The following DAB1 variants were observed in gnomAD, a reference collection of about 807,000 sequenced individuals.
The protein encoded by DAB1 is disabled homolog 1.
DAB1 carries 15 observed loss-of-function variants against 64.6 expected under a neutral mutation model. That is an observed-to-expected ratio of 0.23 (90% CI 0.16 to 0.36). DAB1 has a LOEUF of 0.36. Among genes scored for constraint, DAB1 ranks in the 10% least tolerant of loss-of-function variants. The pLI, the probability that DAB1 is intolerant of heterozygous loss-of-function variation, is 1.00. For missense variants in DAB1, 596 were observed against 706.7 expected (o/e 0.84, Z 1.78); for synonymous variants, 235 against 251.9 (o/e 0.93, Z 0.64).
chr1:57,545,476 T>C (rs1201628334), intron 7 of DAB1, among the ~76,000 whole-genome samples: 1 of 152,226 alleles, frequency 6.6e-6, no homozygotes, highest in African/African-American at 2.4e-5. Flanking sequence ...AAGTTCCATG[T>C]GCTGGGAACT....
intron 2 of DAB1, among the ~76,000 whole-genome samples, chr1:58,519,404 G>A (rs906541410): frequency 4.6e-5 from 7 of 152,100 alleles, no homozygotes; most frequent in Non-Finnish European, 1.0e-4. Flanking sequence ...ACAGAGGAAA[G>A]GCCAATATAT....
At chr1:57,698,396 CCTT>C (rs1646870733) in intron 6 of DAB1, among the ~76,000 whole-genome samples, 1 of 152,044 alleles carries the variant, frequency 6.6e-6, no homozygotes, top group East Asian at 1.9e-4. Context: ...CAGTGCCTGT[CCTT>C]CTCTACTTTG....
At chr1:57,293,328 G>A (rs1319229440) in intron 1 of DAB1, among the ~76,000 whole-genome samples, 1 of 152,152 alleles carries the variant, frequency 6.6e-6, no homozygotes, top group African/African-American at 2.4e-5. Context: ...CTTATTTTAT[G>A]ATTTGATTTT....
chr1:58,019,518 A>G (rs1173098956), intron 5 of DAB1, among the ~76,000 whole-genome samples: 1 of 152,214 alleles, frequency 6.6e-6, no homozygotes, highest in Non-Finnish European at 1.5e-5. Flanking sequence ...TACCTATAAT[A>G]AGCTAGACAC....
intron 2 of DAB1, among the ~76,000 whole-genome samples, chr1:57,160,138 AC>A (rs1434725879): frequency 1.3e-5 from 2 of 152,204 alleles, no homozygotes; most frequent in Non-Finnish European, 2.9e-5. Flanking sequence ...TGCCCAAGAA[AC>A]AAAGCAGGTT....
At chr1:58,503,616 G>T (rs1341762878) in intron 3 of DAB1, among the ~76,000 whole-genome samples, 1 of 151,976 alleles carries the variant, frequency 6.6e-6, no homozygotes, top group African/African-American at 2.4e-5. Flanking sequence ...TCATGAATGG[G>T]TTAGCACCCT....
chr1:57,709,621 G>A (rs1557436302), intron 6 of DAB1, among the ~76,000 whole-genome samples: 1 of 152,136 alleles, frequency 6.6e-6, no homozygotes, highest in Non-Finnish European at 1.5e-5. Context: ...CTACAGAGAA[G>A]GGTCCCAGAG....
At chr1:58,004,318 T>C (rs1015870233) in intron 5 of DAB1, among the ~76,000 whole-genome samples, 10 of 152,172 alleles carry the variant, frequency 6.6e-5, no homozygotes, top group African/African-American at 2.4e-4. Flanking sequence ...AGCTAGTTGG[T>C]GGCAGAGCTA....
At chr1:57,345,766 T>A (rs1321807714) in intron 1 of DAB1, among the ~76,000 whole-genome samples, 1 of 152,258 alleles carries the variant, frequency 6.6e-6, no homozygotes, top group Non-Finnish European at 1.5e-5. Context: ...GTGATGGTTA[T>A]CCTGTTTCAC....
chr1:57,575,833 T>C (rs1645243103), intron 7 of DAB1, among the ~76,000 whole-genome samples: 1 of 152,162 alleles, frequency 6.6e-6, no homozygotes, highest in Admixed American at 6.5e-5. Flanking sequence ...GAAACAACAA[T>C]GAACAGAGTC....
At position 57,595,248 on chromosome 1, in the gene DAB1, A is replaced by AT. The variant is rs545338179; in HGVS notation, n.625+54343dup. Among the ~76,000 whole-genome samples, 26 of 151,582 alleles carry AT rather than the reference A, an allele frequency of 1.7e-4. No homozygotes were observed. In the East Asian group the frequency reaches 4.3e-3, roughly 25 times the overall value. ...TTCTAAAATTTTTTTTAGATTCTAA[A>AT]TTTTTTTTAGATTCTAGATTTTTTT... On this transcript the variant is annotated intron_variant and non_coding_transcript_variant, in intron 7 of 20. Transcript: ENST00000485760.
chr1:57,791,052 A>G (rs1650574088), intron 6 of DAB1, among the ~76,000 whole-genome samples: 2 of 152,224 alleles, frequency 1.3e-5, no homozygotes, highest in African/African-American at 4.8e-5. Context: ...CCCACATTCA[A>G]TAAATCCACA....
intron 3 of DAB1, among the ~76,000 whole-genome samples, chr1:58,493,295 C>T (rs1157482281): frequency 6.6e-6 from 1 of 152,180 alleles, no homozygotes; most frequent in African/African-American, 2.4e-5. Flanking sequence ...TTATGACAAA[C>T]TCACAGCCAA....
At chr1:57,147,393 T>C (rs1569585091) in intron 2 of DAB1, among the ~76,000 whole-genome samples, 1 of 151,986 alleles carries the variant, frequency 6.6e-6, no homozygotes, top group South Asian at 2.1e-4. Flanking sequence ...TCTATGTCTA[T>C]CCAGCCACAG....
At chr1:58,320,882 C>T (rs555457208) in intron 4 of DAB1, among the ~76,000 whole-genome samples, 8 of 152,250 alleles carry the variant, frequency 5.3e-5, no homozygotes, top group African/African-American at 7.2e-5. Flanking sequence ...GGCAAGAGAT[C>T]GGAGGAGGAG....
chr1:57,271,926 C>T (rs1671031830), intron 2 of DAB1, among the ~76,000 whole-genome samples: 2 of 152,176 alleles, frequency 1.3e-5, no homozygotes, highest in South Asian at 4.1e-4. Context: ...TGTCTAGAAT[C>T]TGGAACTGGA....
intron 1 of DAB1, among the ~76,000 whole-genome samples, chr1:57,384,755 T>C (rs975515784): frequency 1.3e-5 from 2 of 152,130 alleles, no homozygotes; most frequent in African/African-American, 4.8e-5. Flanking sequence ...GGAGTTATTG[T>C]TTAAAGGGTA....
At chr1:58,081,973 T>A (rs1488383625) in intron 5 of DAB1, among the ~76,000 whole-genome samples, 3 of 152,126 alleles carry the variant, frequency 2.0e-5, no homozygotes, top group African/African-American at 4.8e-5. Context: ...GTGTTTAATA[T>A]GTGAAAAAGA....
chr1:57,973,301 G>A (rs1391314976), intron 5 of DAB1, among the ~76,000 whole-genome samples: 2 of 152,250 alleles, frequency 1.3e-5, no homozygotes, highest in Non-Finnish European at 1.5e-5. Context: ...TTCTCCCCTA[G>A]AGCGTTCAGA....
Sources: allele counts gnomAD v4.1 joint callset (sites outside exome capture counted in the v4.1 genomes callset), GRCh38; gene constraint gnomAD v4.1.1; transcripts MANE v1.5; gene names NCBI Gene and HGNC (gene_info 2026-07-23, HGNC 2026-07-21).